The following ZNF423 variants were observed in gnomAD, a reference collection of about 807,000 sequenced individuals.
ZNF423 encodes Ebf-associated zinc finger protein.
ZNF423 carries 12 observed loss-of-function variants against 95.8 expected under a neutral mutation model. The observed-to-expected ratio is 0.13, with a 90% CI of 0.08 to 0.20. ZNF423 has a LOEUF of 0.20. Ranked by LOEUF, ZNF423 falls within the 10% of genes least tolerant of loss-of-function variation. ZNF423 has a pLI of 1.00. For synonymous variants in ZNF423, 749 were observed against 711.9 expected, an observed-to-expected ratio of 1.05 and a Z score of -0.83; for missense variants, 1,316 against 1,737.1, an observed-to-expected ratio of 0.76 and a Z score of 4.31.
In ZNF423 at chr16:49,527,510, C is replaced by T. The variant is rs181801013; in HGVS notation, c.3602-2016G>A. 6.5e-3 allele frequency among the ~76,000 whole-genome samples: 996 copies of T among 152,210 alleles called. 4 individuals are homozygous for T. The highest frequency in any genetic ancestry group is 0.02 in the South Asian group (96 of 4,820). ...CCTGCACAAACAACATTGCCCAGTG[C>T]CTGGCACAGGGTGTAGGATCAAGGA... is the stretch of plus-strand genomic sequence containing the variant. On this transcript the variant is annotated intron_variant, in intron 5 of 7. Transcript: ENST00000563137.
chr16:49,731,838 T>G lies in ZNF423; in HGVS notation c.101-867A>C, dbSNP rs182399575. ...AAAATAAAATAAATAGTGTCACCTG[T>G]GACCTGGTACAGGCCTAGACAGTTA... is the stretch of plus-strand genomic sequence containing the variant. On this transcript the variant is annotated intron_variant, in intron 2 of 7. Coordinates refer to ENST00000563137, the MANE Select transcript of ZNF423 (RefSeq NM_001379286.1). 3.0e-4 allele frequency among the ~76,000 whole-genome samples: 46 copies of G among 152,230 alleles called. No homozygotes were observed. The East Asian group carries it at 6.0e-3, about 20-fold the overall frequency.
intron 5 of ZNF423, among the ~76,000 whole-genome samples, chr16:49,601,349 A>G (rs1971367162): frequency 6.6e-6 from 1 of 152,222 alleles, no homozygotes; most frequent in Non-Finnish European, 1.5e-5. Flanking sequence ...GAATAGGGGT[A>G]TCCCTTTGGG....
chr16:49,572,827 G>C (rs1412017524), intron 5 of ZNF423, among the ~76,000 whole-genome samples: 2 of 152,194 alleles, frequency 1.3e-5, no homozygotes, highest in Non-Finnish European at 2.9e-5. Context: ...GGAAGAGCAG[G>C]TCCTAGGCAG....
chr16:49,722,973 T>G (rs2032909366), intron 3 of ZNF423, among the ~76,000 whole-genome samples: 1 of 128,668 alleles, frequency 7.8e-6, no homozygotes, highest in Admixed American at 8.2e-5. Flanking sequence ...TTTTTTTTTT[T>G]GAGACTGAGT....
chr16:49,520,103 G>C (rs187517381), intron 7 of ZNF423, among the ~76,000 whole-genome samples: 4 of 152,154 alleles, frequency 2.6e-5, no homozygotes, highest in Admixed American at 2.6e-4. Context: ...GCTCTTATTG[G>C]AAAGTGCCCA....
At chr16:49,705,028 G>C (rs1039687154) in intron 3 of ZNF423, among the ~76,000 whole-genome samples, 1 of 152,168 alleles carries the variant, frequency 6.6e-6, no homozygotes, top group Admixed American at 6.5e-5. Context: ...TTTGTTGCCC[G>C]AGCTATTGGC....
intron 5 of ZNF423, among the ~76,000 whole-genome samples, chr16:49,549,943 G>A (rs375632388): frequency 6.6e-5 from 10 of 151,700 alleles, no homozygotes; most frequent in East Asian, 3.9e-4. Context: ...TGCAATCACC[G>A]CTCGCTGCAG....
In ZNF423 at chr16:49,855,443, C is replaced by T. The variant is rs1236327069; in HGVS notation, c.40+292G>A. On this transcript the variant is annotated intron_variant, in intron 1 of 7. Transcript: ENST00000563137. This position sits in a 1 kb window ranked among gnomAD's most constrained non-coding sequence, Gnocchi z 4.7. ...CGGCAAGGGCCCCTTAGCGGCGCCCCCAGGCCTGGGTCCCCCAAGGGCGAC... is the reference window on the plus strand; with the variant it reads ...CGGCAAGGGCCCCTTAGCGGCGCCCTCAGGCCTGGGTCCCCCAAGGGCGAC... Among the ~76,000 whole-genome samples the T allele has an allele frequency of 3.3e-5, 5 of 151,220 alleles. No individual in the cohort carries two copies. Among genetic ancestry groups the T allele is most frequent in the Non-Finnish European group, 7.4e-5 (5 of 67,674 alleles).
chr16:49,843,201 G>C (rs895935047), intron 1 of ZNF423, among the ~76,000 whole-genome samples: 1 of 151,918 alleles, frequency 6.6e-6, no homozygotes, highest in South Asian at 2.1e-4. Context: ...AGAACACAAA[G>C]GTTATAAATG....
chr16:49,790,864 T>G (rs1156670836), intron 1 of ZNF423, among the ~76,000 whole-genome samples: 1 of 152,188 alleles, frequency 6.6e-6, no homozygotes, highest in Non-Finnish European at 1.5e-5. Context: ...TGTGCAGCAT[T>G]GGGCACTGTG....
chr16:49,565,887 G>A (rs1028283830), intron 5 of ZNF423, among the ~76,000 whole-genome samples: 2 of 151,934 alleles, frequency 1.3e-5, no homozygotes, highest in Admixed American at 1.3e-4. Flanking sequence ...GGAGAGGAGA[G>A]GGGGAGGGTT....
At chr16:49,736,956 AGGCCTTGCCAGGGACAGAG>A (rs555857344) in intron 2 of ZNF423, among the ~76,000 whole-genome samples, 8 of 152,280 alleles carry the variant, frequency 5.3e-5, no homozygotes, top group East Asian at 1.9e-4. Context: ...GGAGCAGCAG[AGGCCTTGCCAGGGACAGAG>A]GGCCTTGCCA....
intron 2 of ZNF423, among the ~76,000 whole-genome samples, chr16:49,766,014 C>T (rs2033922648): frequency 6.6e-6 from 1 of 152,158 alleles, no homozygotes; most frequent in South Asian, 2.1e-4. Flanking sequence ...GAGGCAGCTG[C>T]ACGAGAATGT....
At chr16:49,590,051 T>TATATATATATATATATATATATATATA (rs879296139) in intron 5 of ZNF423, among the ~76,000 whole-genome samples, 36 of 134,056 alleles carry the variant, frequency 2.7e-4, no homozygotes, top group East Asian at 5.4e-4. Flanking sequence ...TATATATATA[T>TATATATATATATATATATATATATATA]TTGGTCCATA....
chr16:49,536,240 T>C (rs1211290431), intron 5 of ZNF423, among the ~76,000 whole-genome samples: 2 of 152,242 alleles, frequency 1.3e-5, no homozygotes, highest in African/African-American at 2.4e-5. Context: ...AGAGTTCAGC[T>C]TGGAAACTGG....
At chr16:49,622,811 C>T (rs1972128880) in intron 5 of ZNF423, among the ~76,000 whole-genome samples, 1 of 152,196 alleles carries the variant, frequency 6.6e-6, no homozygotes, top group South Asian at 2.1e-4. Flanking sequence ...GAACTAGTGC[C>T]CATGTAAAGT....
At chr16:49,713,489 C>A (rs905620125) in intron 3 of ZNF423, among the ~76,000 whole-genome samples, 2 of 152,146 alleles carry the variant, frequency 1.3e-5, no homozygotes, top group African/African-American at 4.8e-5. Context: ...CCCTGCTGCA[C>A]CCCTCTCCCT....
chr16:49,499,689 G>A (rs967340583), intron 7 of ZNF423, among the ~76,000 whole-genome samples: 7 of 152,124 alleles, frequency 4.6e-5, no homozygotes, highest in Non-Finnish European at 1.0e-4. Flanking sequence ...AAAGACCAAC[G>A]CAGGTGGCTT....
intron 5 of ZNF423, among the ~76,000 whole-genome samples, chr16:49,565,316 G>C (rs190606017): frequency 6.6e-6 from 1 of 152,068 alleles, no homozygotes; most frequent in Non-Finnish European, 1.5e-5. Flanking sequence ...TTCCCCACCC[G>C]AACAACCAGG....
Sources: gnomAD v4.1 joint callset for allele counts (sites outside exome capture counted in the v4.1 genomes callset) on GRCh38, gnomAD v4.1.1 for gene constraint, Gnocchi (gnomAD v3.1) non-coding constraint, MANE v1.5 for transcripts, NCBI Gene and HGNC (gene_info 2026-07-23, HGNC 2026-07-21) for gene names.